PPP1R16B: variants seen among roughly 807,000 people sequenced by gnomAD.
PPP1R16B encodes the protein protein phosphatase 1 regulatory inhibitor subunit 16B.
A neutral mutation model predicts 61.7 loss-of-function variants in PPP1R16B; 14 were observed. The ratio of observed to expected loss-of-function variants is 0.23; its 90% CI spans 0.15 to 0.35. PPP1R16B has a LOEUF of 0.35. Among genes scored for constraint, PPP1R16B ranks in the 10% least tolerant of loss-of-function variants. The pLI, the probability that PPP1R16B is intolerant of heterozygous loss-of-function variation, is 1.00. For synonymous variants in PPP1R16B, 266 were observed against 305.3 expected (o/e 0.87, Z 1.34); for missense variants, 547 against 752.5 (o/e 0.73, Z 3.19).
chr20:38,873,726 T>C (rs1181475493), intron 2 of PPP1R16B, among the ~76,000 whole-genome samples: 1 of 146,560 alleles, frequency 6.8e-6, no homozygotes, highest in Non-Finnish European at 1.5e-5. Flanking sequence ...AGACAGAAGC[T>C]GAAACATCTT....
At chr20:38,883,932 T>A (rs918229732) in intron 2 of PPP1R16B, among the ~76,000 whole-genome samples, 5 of 152,232 alleles carry the variant, frequency 3.3e-5, no homozygotes, top group Non-Finnish European at 7.3e-5. Context: ...ATAACTTGCC[T>A]AGAGCCGCAG....
intron 2 of PPP1R16B, among the ~76,000 whole-genome samples, chr20:38,852,173 C>T (rs2084973470): frequency 6.6e-6 from 1 of 152,184 alleles, no homozygotes; most frequent in South Asian, 2.1e-4. Flanking sequence ...TGATTACCAT[C>T]CCATTGCTAA....
intron 1 of PPP1R16B, among the ~76,000 whole-genome samples, chr20:38,824,586 G>T (rs2084793313): frequency 6.6e-6 from 1 of 152,230 alleles, no homozygotes; most frequent in Admixed American, 6.5e-5. Context: ...TCTGCTCTCT[G>T]CGTTGCCCTC....
At position 38,895,565 on chromosome 20, in the gene PPP1R16B, T is replaced by G; in HGVS notation, c.322T>G (p.Cys108Gly). The change falls in exon 4 of 11, where the codon TGC becomes GGC. Residue 108 changes from cysteine (C) to glycine (G), a missense_variant and splice_region_variant. Transcript: ENST00000299824. ...NEDGLTALHQ[C>G]CIDNFEEIVK... The stretch of plus-strand genomic sequence containing the variant: ...GACTCTGCCTGTGTGTCTCTCCCAG[T>G]GCTGCATCGACAACTTTGAGGAAAT... The G allele has an allele frequency of 1.2e-6, 2 of 1,613,758 alleles. No homozygotes were observed. The highest frequency in any genetic ancestry group is 8.5e-7 in the Non-Finnish European group (1 of 1,179,706).
intron 6 of PPP1R16B, among the ~76,000 whole-genome samples, chr20:38,905,590 G>T (rs1244510236): frequency 6.6e-6 from 1 of 152,264 alleles, no homozygotes; most frequent in South Asian, 2.1e-4. Context: ...CACATTCAAG[G>T]TGAGAACAGT....
chr20:38,847,002 C>T (rs2084939680), intron 2 of PPP1R16B, among the ~76,000 whole-genome samples: 1 of 151,778 alleles, frequency 6.6e-6, no homozygotes, highest in Admixed American at 6.6e-5. Flanking sequence ...ACCCTGTCTC[C>T]AAAAAACTAA....
rs145799098 is a variant in PPP1R16B, at chr20:38,898,459, C to G, written c.468-2122C>G. Among the ~76,000 whole-genome samples, 586 of 152,242 alleles carry G rather than the reference C, an allele frequency of 3.8e-3. 1 individual carries two copies. The highest frequency in any genetic ancestry group is 4.7e-3 in the Non-Finnish European group (322 of 68,018). The stretch of plus-strand genomic sequence containing the variant: ...TTCTTCTTTTTCAGGGTTGTGTTGG[C>G]TATTCAGGTTCCTTGAGATTCCCTA... On this transcript the variant is annotated intron_variant, in intron 4 of 10. Transcript: ENST00000299824.
Position 38,884,177 on chromosome 20 carries a change from G to A in PPP1R16B, c.251-5418G>A, listed in dbSNP as rs959556790. On this transcript the variant is annotated intron_variant, in intron 2 of 10. Coordinates refer to ENST00000299824, the MANE Select transcript of PPP1R16B (RefSeq NM_015568.4). ...TTGCTCCAGGTGCTCCAGAGAGCAA[G>A]AGATGAGCCGGGAGAGGTAGGGAGA... Among the ~76,000 whole-genome samples the A allele has an allele frequency of 2.6e-5, 4 of 152,356 alleles. No individual in the cohort carries two copies. In the South Asian group the frequency reaches 6.2e-4, roughly 24 times the overall value.
chr20:38,846,724 C>T (rs368555080), intron 2 of PPP1R16B, among the ~76,000 whole-genome samples: 1 of 152,196 alleles, frequency 6.6e-6, no homozygotes, highest in Non-Finnish European at 1.5e-5. Flanking sequence ...TTTGGTTGGC[C>T]GGGCGCTGTG....
chr20:38,876,844 G>A (rs931131065), intron 2 of PPP1R16B, among the ~76,000 whole-genome samples: 1 of 152,168 alleles, frequency 6.6e-6, no homozygotes, highest in Non-Finnish European at 1.5e-5. Flanking sequence ...GATTATAAAG[G>A]TAGTACATAT....
intron 1 of PPP1R16B, among the ~76,000 whole-genome samples, chr20:38,815,174 G>A (rs958307549): frequency 2.6e-5 from 4 of 151,718 alleles, no homozygotes; most frequent in South Asian, 2.1e-4. Flanking sequence ...CCTTTTCCCC[G>A]GAATAAATCT....
At chr20:38,819,056 T>C (rs1348797799) in intron 1 of PPP1R16B, among the ~76,000 whole-genome samples, 1 of 152,082 alleles carries the variant, frequency 6.6e-6, no homozygotes, top group Admixed American at 6.5e-5. Context: ...GATTCAGGCA[T>C]GAACCACTGT....
chr20:38,900,727 T>G, intron 5 of PPP1R16B, 43 bp downstream of exon 5: 1 of 1,437,860 alleles, frequency 7.0e-7, no homozygotes, highest in Non-Finnish European at 9.4e-7. Context: ...CAGCACAGAG[T>G]TGCAGAGAGC....
intron 5 of PPP1R16B, among the ~76,000 whole-genome samples, chr20:38,900,913 G>A (rs1240242721): frequency 6.6e-6 from 1 of 152,232 alleles, no homozygotes; most frequent in Non-Finnish European, 1.5e-5. Context: ...GATCTCATTC[G>A]TGTCACCCAC....
intron 2 of PPP1R16B, among the ~76,000 whole-genome samples, chr20:38,850,318 G>A (rs2084960151): frequency 6.6e-6 from 1 of 152,036 alleles, no homozygotes; most frequent in Non-Finnish European, 1.5e-5. Flanking sequence ...CAAACACATG[G>A]ACTGACACTT....
intron 4 of PPP1R16B, among the ~76,000 whole-genome samples, chr20:38,897,959 A>G (rs1296485741): frequency 6.6e-6 from 1 of 152,134 alleles, no homozygotes; most frequent in African/African-American, 2.4e-5. Flanking sequence ...GGTTTTTGTC[A>G]TTGAATTTTA....
chr20:38,855,943 T>TATATATATATAG, intron 2 of PPP1R16B, among the ~76,000 whole-genome samples: 1 of 15,058 alleles, frequency 6.6e-5, no homozygotes, highest in Non-Finnish European at 9.9e-5. Flanking sequence ...TATATATATA[T>TATATATATATAG]AGAGAGAGAG....
chr20:38,886,807 G>C (rs1199638107), intron 2 of PPP1R16B, among the ~76,000 whole-genome samples: 1 of 152,232 alleles, frequency 6.6e-6, no homozygotes, highest in Non-Finnish European at 1.5e-5. Flanking sequence ...TTGGGTCAAG[G>C]TCCTAGAGGA....
At chr20:38,887,424 C>T (rs1276033758) in intron 2 of PPP1R16B, among the ~76,000 whole-genome samples, 1 of 152,136 alleles carries the variant, frequency 6.6e-6, no homozygotes, top group Admixed American at 6.5e-5. Flanking sequence ...CACGCAAGAA[C>T]TTGTATGCCA....
Sources: gnomAD v4.1 joint callset for allele counts (sites outside exome capture counted in the v4.1 genomes callset) on GRCh38, gnomAD v4.1.1 for gene constraint, MANE v1.5 for transcripts, NCBI Gene and HGNC (gene_info 2026-07-23, HGNC 2026-07-21) for gene names.